NDUFA10: variants seen among roughly 807,000 people sequenced by gnomAD.
The protein encoded by NDUFA10 is NADH:ubiquinone oxidoreductase subunit A10, also known as NADH dehydrogenase [ubiquinone] 1 alpha subcomplex subunit 10, mitochondrial.
A neutral mutation model predicts 47.8 loss-of-function variants in NDUFA10; 40 were observed. That is an observed-to-expected ratio of 0.84 (90% CI 0.65 to 1.09). The LOEUF (loss-of-function observed/expected upper bound fraction) is 1.09. NDUFA10 is among the 50% of genes least tolerant of loss of function. The pLI, the probability that NDUFA10 is intolerant of heterozygous loss-of-function variation, is 0.00. For missense variants in NDUFA10, 413 were observed against 451.1 expected (o/e 0.92, Z 0.76); for synonymous variants, 183 against 172.2 (o/e 1.06, Z -0.49).
chr2:239,937,448 A>C (rs1413009652), intron 4 of NDUFA10, among the ~76,000 whole-genome samples: 1 of 152,162 alleles, frequency 6.6e-6, no homozygotes, highest in African/African-American at 2.4e-5. Flanking sequence ...GGACATGTCA[A>C]GTAACTGGCA....
chr2:239,927,507 C>T (rs950372511), intron 4 of NDUFA10, among the ~76,000 whole-genome samples: 2 of 152,166 alleles, frequency 1.3e-5, no homozygotes, highest in Non-Finnish European at 2.9e-5. Flanking sequence ...GCTGACTCAC[C>T]GACCTAACGG....
At chr2:239,990,803 A>G (rs950415318) in intron 8 of NDUFA10, among the ~76,000 whole-genome samples, 1 of 152,222 alleles carries the variant, frequency 6.6e-6, no homozygotes, top group Non-Finnish European at 1.5e-5. Flanking sequence ...GCTGAATGTT[A>G]AAATATTTAT....
intron 4 of NDUFA10, among the ~76,000 whole-genome samples, chr2:239,926,322 G>A (rs149081763): frequency 1.6e-4 from 25 of 152,290 alleles, no homozygotes; most frequent in African/African-American, 6.0e-4. Flanking sequence ...GAAAAAACTA[G>A]CATACAATGC....
At chr2:240,012,299 C>A (rs1574887154) in intron 5 of NDUFA10, 1 of 161,890 alleles carries the variant, frequency 6.2e-6, no homozygotes, top group African/African-American at 2.4e-5. Context: ...ACACTATCTT[C>A]TCAGCCCGTT....
chr2:239,922,187 G>C (rs1450612264), intron 4 of NDUFA10, among the ~76,000 whole-genome samples: 1 of 151,754 alleles, frequency 6.6e-6, no homozygotes, highest in African/African-American at 2.4e-5. Flanking sequence ...AATGTCCTGA[G>C]TGTCCCTTTG....
At chr2:240,007,773 G>A (rs984195959) in intron 6 of NDUFA10, among the ~76,000 whole-genome samples, 15 of 152,156 alleles carry the variant, frequency 9.9e-5, no homozygotes, top group Admixed American at 3.9e-4. Flanking sequence ...GGGCCTAACC[G>A]AGCACAGGCA....
chr2:239,923,370 T>TC (rs1694020028), intron 4 of NDUFA10, among the ~76,000 whole-genome samples: 1 of 152,034 alleles, frequency 6.6e-6, no homozygotes, highest in Non-Finnish European at 1.5e-5. Flanking sequence ...TATGAAAAAT[T>TC]CCCCAAATAG....
intron 4 of NDUFA10, among the ~76,000 whole-genome samples, chr2:239,938,721 G>C (rs1344674306): frequency 6.6e-6 from 1 of 152,154 alleles, no homozygotes; most frequent in Non-Finnish European, 1.5e-5. Context: ...CTGTGGATCA[G>C]TTAAACGGGG....
intron 9 of NDUFA10, among the ~76,000 whole-genome samples, chr2:239,986,905 G>A (rs894662328): frequency 6.6e-6 from 1 of 151,894 alleles, no homozygotes; most frequent in Non-Finnish European, 1.5e-5. Flanking sequence ...AAGCAGTGAT[G>A]GGACAAATGG....
At chr2:239,970,436 T>C (rs1017083274) in intron 9 of NDUFA10, among the ~76,000 whole-genome samples, 1 of 152,174 alleles carries the variant, frequency 6.6e-6, no homozygotes, top group East Asian at 1.9e-4. Flanking sequence ...TGATGCCGGG[T>C]GGAAACTCAG....
rs773577798 is a variant in NDUFA10, at chr2:240,005,209, C to T, written c.890+1G>A. 1 of 1,613,134 alleles carries T rather than the reference C, an allele frequency of 6.2e-7. No homozygotes were observed. Among genetic ancestry groups the T allele is most frequent in the South Asian group, 1.1e-5 (1 of 91,066 alleles). ...AGCAGCCCCCACACAGATGCACTTA[C>T]AGTAATCGCAGGTGGTATAAAGTGC... On this transcript the variant is annotated splice_donor_variant, in intron 8 of 9. Transcript: ENST00000252711. LOFTEE classifies it high-confidence loss of function.
At chr2:239,898,529 C>A (rs374006977) in intron 4 of NDUFA10, among the ~76,000 whole-genome samples, 2 of 152,372 alleles carry the variant, frequency 1.3e-5, no homozygotes, top group African/African-American at 4.8e-5. Flanking sequence ...AACCCTGGGG[C>A]TTCCAACCCC....
chr2:240,007,377 G>GA lies in NDUFA10; in HGVS notation c.750-8dup. The stretch of plus-strand genomic sequence containing the variant: ...TAAAACCTCACATTTTTCACTGTAA[G>GA]AAAAAACAAGATGAAATTCAGTGTA... On this transcript the variant is annotated splice_polypyrimidine_tract_variant and splice_region_variant and intron_variant, in intron 6 of 9. Coordinates refer to ENST00000252711, the MANE Select transcript of NDUFA10 (RefSeq NM_004544.4). The GA allele has an allele frequency of 1.9e-6, 3 of 1,566,966 alleles. No homozygotes were observed. Among genetic ancestry groups the GA allele is most frequent in the East Asian group, 2.2e-5 (1 of 44,632 alleles).
chr2:239,939,065 G>A (rs773908168), intron 4 of NDUFA10, among the ~76,000 whole-genome samples: 16 of 152,324 alleles, frequency 1.1e-4, no homozygotes, highest in Admixed American at 7.8e-4. Context: ...CTCTCCTTTC[G>A]CAGGGCTTAG....
chr2:239,956,398 C>T (rs370831083), downstream of NDUFA10, among the ~76,000 whole-genome samples: 5 of 152,292 alleles, frequency 3.3e-5, no homozygotes, highest in South Asian at 2.1e-4. Flanking sequence ...AGATCCAAAG[C>T]GTGGGGCCTG....
intron 8 of NDUFA10, among the ~76,000 whole-genome samples, chr2:239,994,112 A>G (rs1161191082): frequency 6.6e-6 from 1 of 152,188 alleles, no homozygotes; most frequent in Admixed American, 6.5e-5. Context: ...AACACCTTCC[A>G]GACGCTGTGT....
intron 4 of NDUFA10, among the ~76,000 whole-genome samples, chr2:239,918,902 G>T (rs1693921446): frequency 6.6e-6 from 1 of 152,194 alleles, no homozygotes; most frequent in African/African-American, 2.4e-5. Context: ...CTCTGATGGA[G>T]TTCACCCTCC....
At chr2:239,993,496 A>G (rs1306203734) in intron 8 of NDUFA10, among the ~76,000 whole-genome samples, 1 of 152,246 alleles carries the variant, frequency 6.6e-6, no homozygotes, top group East Asian at 1.9e-4. Flanking sequence ...ATTGCCTGGT[A>G]TCCTGGTAGA....
rs562368151 is a variant in NDUFA10, at chr2:239,976,854, C to T, written c.999+13220G>A. 1.6e-4 allele frequency among the ~76,000 whole-genome samples: 24 copies of T among 152,324 alleles called. No homozygotes were observed. In the South Asian group the frequency reaches 1.7e-3, roughly 11 times the overall value. On this transcript the variant is annotated intron_variant, in intron 9 of 9. Transcript: ENST00000252711. ...GGAGTTCCAGTAAAAAGACATGATT[C>T]TCTCAGTAAGAGCAGCTCCCAGAAC...
Sources: gnomAD v4.1 joint callset for allele counts (sites outside exome capture counted in the v4.1 genomes callset) on GRCh38, gnomAD v4.1.1 for gene constraint, MANE v1.5 for transcripts, NCBI Gene and HGNC (gene_info 2026-07-23, HGNC 2026-07-21) for gene names.